The following AIG1 variants were observed in gnomAD, a reference collection of about 807,000 sequenced individuals.
AIG1 encodes the protein androgen induced 1, also known as androgen-induced gene 1 protein.
In AIG1, 23 loss-of-function variants were observed where a neutral mutation model predicts 31.4. That is an observed-to-expected ratio of 0.73 (90% CI 0.53 to 1.04). The LOEUF (loss-of-function observed/expected upper bound fraction) is 1.04. Among genes scored for constraint, AIG1 ranks in the 50% least tolerant of loss-of-function variants. The pLI, the probability that AIG1 is intolerant of heterozygous loss-of-function variation, is 0.00. For missense variants in AIG1, 274 were observed against 295.0 expected (o/e 0.93, Z 0.52); for synonymous variants, 100 against 110.5 (o/e 0.90, Z 0.60).
chr6:143,141,677 T>C (rs1449879164), intron 2 of AIG1, among the ~76,000 whole-genome samples: 1 of 152,206 alleles, frequency 6.6e-6, no homozygotes, highest in Non-Finnish European at 1.5e-5. Flanking sequence ...CATGGGAGGC[T>C]CTTCTTACCA....
chr6:143,155,566 G>T (rs1345836117), intron 2 of AIG1, among the ~76,000 whole-genome samples: 1 of 152,106 alleles, frequency 6.6e-6, no homozygotes. Context: ...GGTGTTACAA[G>T]CACAGTGTTG....
At chr6:143,168,239 A>T (rs540293329) in intron 3 of AIG1, among the ~76,000 whole-genome samples, 1 of 152,196 alleles carries the variant, frequency 6.6e-6, no homozygotes, top group Non-Finnish European at 1.5e-5. Flanking sequence ...AAATAAGTCC[A>T]TTCCAAATTT....
intron 1 of AIG1, among the ~76,000 whole-genome samples, chr6:143,135,579 C>T (rs992159108): frequency 1.3e-5 from 2 of 151,982 alleles, no homozygotes; most frequent in African/African-American, 2.4e-5. Flanking sequence ...AGACAGGCTA[C>T]GTTATGAGGA....
chr6:143,202,044 C>T, intron 3 of AIG1, among the ~76,000 whole-genome samples: 1 of 152,002 alleles, frequency 6.6e-6, no homozygotes, highest in East Asian at 1.9e-4. Context: ...ACAAAGATAC[C>T]CAGTTAATGC....
chr6:143,248,057 C>A (rs1794738405), intron 3 of AIG1, among the ~76,000 whole-genome samples: 1 of 152,142 alleles, frequency 6.6e-6, no homozygotes, highest in African/African-American at 2.4e-5. Context: ...GTATCTATCT[C>A]AAAAGTACTT....
intron 4 of AIG1, among the ~76,000 whole-genome samples, chr6:143,304,961 G>T (rs1173379054): frequency 2.0e-5 from 3 of 152,088 alleles, no homozygotes; most frequent in Non-Finnish European, 4.4e-5. Flanking sequence ...CTGGGAGGGT[G>T]TATGTGTCCA....
At chr6:143,156,202 T>G (rs55836758) in intron 2 of AIG1, among the ~76,000 whole-genome samples, 3,974 of 152,302 alleles carry the variant, frequency 0.026, 80 homozygotes, top group Non-Finnish European at 0.042. Flanking sequence ...AAAACATACA[T>G]GTAACACATC....
intron 1 of AIG1, among the ~76,000 whole-genome samples, chr6:143,083,632 A>C (rs1293692710): frequency 6.6e-6 from 1 of 152,118 alleles, no homozygotes. Context: ...CTAAAATTGG[A>C]GTATTGCAGG....
intron 3 of AIG1, chr6:143,187,701 A>G (rs895413382): frequency 1.6e-4 from 240 of 1,535,896 alleles, no homozygotes; most frequent in Non-Finnish European, 2.0e-4. Context: ...CTGCCTCTCC[A>G]CAGAAAGCTT....
chr6:143,199,925 C>T (rs750895296), intron 3 of AIG1, among the ~76,000 whole-genome samples: 3 of 152,084 alleles, frequency 2.0e-5, no homozygotes, highest in Non-Finnish European at 2.9e-5. Flanking sequence ...GAAGGGTAGG[C>T]TTTTGACAGA....
intron 1 of AIG1, among the ~76,000 whole-genome samples, chr6:143,114,182 G>A (rs1323251956): frequency 6.6e-6 from 1 of 152,222 alleles, no homozygotes; most frequent in East Asian, 1.9e-4. Context: ...TGGAAAGTTA[G>A]TAGAAAAGTA....
At chr6:143,122,188 C>A (rs1782297613) in intron 1 of AIG1, among the ~76,000 whole-genome samples, 1 of 152,026 alleles carries the variant, frequency 6.6e-6, no homozygotes. Context: ...GAAAAAGAAA[C>A]ATATATTTTT....
chr6:143,121,294 C>A (rs1178018641), intron 1 of AIG1, among the ~76,000 whole-genome samples: 1 of 152,184 alleles, frequency 6.6e-6, no homozygotes, highest in Non-Finnish European at 1.5e-5. Flanking sequence ...CTTGTTTGCC[C>A]AGTATGTCTT....
intron 3 of AIG1, among the ~76,000 whole-genome samples, chr6:143,252,203 T>C (rs1277922680): frequency 6.6e-6 from 1 of 152,226 alleles, no homozygotes; most frequent in Non-Finnish European, 1.5e-5. Context: ...CACTGCAACC[T>C]CCACCTCCCA....
At chr6:143,316,226 C>T (rs1178950915) in intron 4 of AIG1, among the ~76,000 whole-genome samples, 1 of 152,048 alleles carries the variant, frequency 6.6e-6, no homozygotes, top group Admixed American at 6.6e-5. Context: ...AGAAAAGCTG[C>T]ATTTAAAAGG....
At chr6:143,117,529 G>A (rs1781841418) in intron 1 of AIG1, among the ~76,000 whole-genome samples, 1 of 152,126 alleles carries the variant, frequency 6.6e-6, no homozygotes, top group Admixed American at 6.5e-5. Context: ...GAGGATGACG[G>A]TGGAAGAAGC....
At chr6:143,220,187 G>C (rs1443323103) in intron 3 of AIG1, among the ~76,000 whole-genome samples, 5 of 152,156 alleles carry the variant, frequency 3.3e-5, no homozygotes, top group Non-Finnish European at 7.3e-5. Flanking sequence ...GTTCCAGCTT[G>C]TATGTCACCT....
At chr6:143,314,343 G>A (rs1165840066) in intron 4 of AIG1, among the ~76,000 whole-genome samples, 3 of 151,886 alleles carry the variant, frequency 2.0e-5, no homozygotes, top group Non-Finnish European at 2.9e-5. Flanking sequence ...GACAGAGTGA[G>A]ATCCTGTAAG....
At chr6:143,275,049 C>G (rs1339299236) in intron 3 of AIG1, among the ~76,000 whole-genome samples, 1 of 152,134 alleles carries the variant, frequency 6.6e-6, no homozygotes, top group Admixed American at 6.5e-5. Flanking sequence ...TCTTTGTTTA[C>G]CTGTCAAATT....
Sources: gnomAD v4.1 joint callset for allele counts (sites outside exome capture counted in the v4.1 genomes callset) on GRCh38, gnomAD v4.1.1 for gene constraint, MANE v1.5 for transcripts, NCBI Gene and HGNC (gene_info 2026-07-23, HGNC 2026-07-21) for gene names.